The following RBM6 variants were observed in gnomAD, a reference collection of about 807,000 sequenced individuals.
RBM6 encodes the protein RNA binding motif protein 6, also known as RNA-binding protein 6.
RBM6 carries 23 observed loss-of-function variants against 140.4 expected under a neutral mutation model. The ratio of observed to expected loss-of-function variants is 0.16; its 90% CI spans 0.12 to 0.23. RBM6 has a LOEUF of 0.23. Ranked by LOEUF, RBM6 falls within the 10% of genes least tolerant of loss-of-function variation. The probability of loss-of-function intolerance (pLI) is 1.00; values close to 1 mark genes in which losing one functional copy is unlikely to be tolerated. For synonymous variants in RBM6, 439 were observed against 475.6 expected (o/e 0.92, Z 1.00); for missense variants, 1,139 against 1,386.7 (o/e 0.82, Z 2.84).
At chr3:49,973,877 C>T (rs1029895672) in intron 4 of RBM6, among the ~76,000 whole-genome samples, 3 of 145,082 alleles carry the variant, frequency 2.1e-5, no homozygotes, top group Non-Finnish European at 3.1e-5. Flanking sequence ...TGAGCCACCG[C>T]GCCCAGCATT....
intron 3 of RBM6, among the ~76,000 whole-genome samples, chr3:49,969,700 C>T (rs1197790230): frequency 1.3e-5 from 2 of 151,020 alleles, no homozygotes; most frequent in South Asian, 2.1e-4. Context: ...CAGGCTCAAG[C>T]GATCCTCCCA....
intron 5 of RBM6, among the ~76,000 whole-genome samples, chr3:49,996,441 A>G (rs895878916): frequency 2.0e-5 from 3 of 152,248 alleles, no homozygotes; most frequent in South Asian, 2.1e-4. Flanking sequence ...CTTTTTCCCT[A>G]TATACATTTT....
chr3:49,971,146 A>G (rs1010439005), intron 3 of RBM6, among the ~76,000 whole-genome samples: 4 of 149,408 alleles, frequency 2.7e-5, no homozygotes, highest in South Asian at 2.1e-4. Flanking sequence ...CATGTGTGTA[A>G]TCCCAGCTAC....
chr3:50,031,822 T>A (rs1045606782), intron 6 of RBM6, among the ~76,000 whole-genome samples: 7 of 151,818 alleles, frequency 4.6e-5, no homozygotes, highest in Non-Finnish European at 1.0e-4. Flanking sequence ...AAGAAAAAAA[T>A]AAAATAATGC....
At chr3:50,018,581 G>GTTTTTTTTTTTT (rs58115280) in intron 6 of RBM6, among the ~76,000 whole-genome samples, 2 of 63,556 alleles carry the variant, frequency 3.1e-5, no homozygotes, top group Non-Finnish European at 5.5e-5. Context: ...GTAGGAGTGT[G>GTTTTTTTTTTTT]TTTTTTTTTT....
At chr3:50,040,743 A>G (rs763730223) in intron 6 of RBM6, among the ~76,000 whole-genome samples, 3 of 150,944 alleles carry the variant, frequency 2.0e-5, no homozygotes, top group Non-Finnish European at 4.4e-5. Flanking sequence ...TGCAGCCTCG[A>G]CCTCACAGGT....
chr3:49,965,704 C>T (rs1333327888), intron 2 of RBM6, among the ~76,000 whole-genome samples: 1 of 150,966 alleles, frequency 6.6e-6, no homozygotes, highest in Non-Finnish European at 1.5e-5. Flanking sequence ...TAAACTTGCT[C>T]CTCTTATGAT....
At chr3:50,064,003 G>A (rs1050802616) in intron 15 of RBM6, among the ~76,000 whole-genome samples, 1 of 151,508 alleles carries the variant, frequency 6.6e-6, no homozygotes, top group East Asian at 2.0e-4. Context: ...GATCTATCTC[G>A]GCTCACTGCA....
chr3:50,060,819 A>T lies in RBM6; in HGVS notation c.2229-137A>T, dbSNP rs577563901. ...CTTTCAGGAGTGTCTGGACCACCCA[A>T]CCTGCTTGCTGTCTAGGTTGGTTCC... On this transcript the variant is annotated intron_variant, in intron 11 of 20. Transcript: ENST00000266022. The T allele has an allele frequency of 5.7e-5, 39 of 689,866 alleles. No homozygotes were observed. The African/African-American group carries it at 5.7e-4, about 10-fold the overall frequency. 42.7% of individuals were successfully genotyped at this position (689,866 alleles called of 1,614,324 possible).
At chr3:50,054,126 G>C (rs2089603244) in intron 7 of RBM6, 3 of 500,230 alleles carry the variant, frequency 6.0e-6, no homozygotes, top group Admixed American at 6.9e-5. Flanking sequence ...AGTCCCAGAT[G>C]CCTTGTTATA....
At chr3:50,046,229 C>T (rs561418303) in intron 6 of RBM6, among the ~76,000 whole-genome samples, 4 of 146,570 alleles carry the variant, frequency 2.7e-5, no homozygotes, top group East Asian at 2.0e-4. Flanking sequence ...TGTGGTGAGC[C>T]GAGATCGTGC....
At chr3:49,990,330 T>A (rs950265889) in intron 5 of RBM6, among the ~76,000 whole-genome samples, 2 of 152,176 alleles carry the variant, frequency 1.3e-5, no homozygotes, top group Non-Finnish European at 2.9e-5. Flanking sequence ...CCATAGGCAA[T>A]TGAGACACAA....
intron 1 of RBM6, among the ~76,000 whole-genome samples, chr3:49,954,427 G>A (rs13080638): frequency 2.8e-4 from 41 of 145,600 alleles, no homozygotes; most frequent in Admixed American, 1.1e-3. Context: ...GCGACAGAGC[G>A]AGACTCCATC....
At chr3:49,995,118 T>G (rs956931832) in intron 5 of RBM6, among the ~76,000 whole-genome samples, 1 of 152,200 alleles carries the variant, frequency 6.6e-6, no homozygotes, top group Non-Finnish European at 1.5e-5. Context: ...GTGTACCTTA[T>G]TCTCCTGTAA....
At chr3:50,002,437 T>G (rs7620769) in intron 6 of RBM6, among the ~76,000 whole-genome samples, 4,850 of 152,128 alleles carry the variant, frequency 0.032, 269 homozygotes, top group African/African-American at 0.11. Flanking sequence ...AATTTTTGTA[T>G]TTTTAGTAGA....
chr3:50,055,768 C>T (rs1390506527), intron 8 of RBM6, among the ~76,000 whole-genome samples: 1 of 152,150 alleles, frequency 6.6e-6, no homozygotes, highest in Non-Finnish European at 1.5e-5. Context: ...ACAGTAAAAA[C>T]ATAAATAGGA....
At chr3:50,005,927 T>C (rs907160926) in intron 6 of RBM6, among the ~76,000 whole-genome samples, 1 of 152,000 alleles carries the variant, frequency 6.6e-6, no homozygotes, top group Admixed American at 6.6e-5. Context: ...GAAAAAAAAA[T>C]TAAAACAATT....
intron 1 of RBM6, among the ~76,000 whole-genome samples, chr3:49,957,465 C>CT (rs1478915377): frequency 6.6e-6 from 1 of 152,008 alleles, no homozygotes; most frequent in East Asian, 1.9e-4. Flanking sequence ...TTCTCATTTT[C>CT]TTTTTCTTTC....
At chr3:49,956,146 C>T (rs1309328932) in intron 1 of RBM6, among the ~76,000 whole-genome samples, 2 of 151,704 alleles carry the variant, frequency 1.3e-5, no homozygotes, top group Admixed American at 6.6e-5. Flanking sequence ...TCCCAGTCTC[C>T]TGAGTAGCTG....
Sources: gnomAD v4.1 joint callset for allele counts (sites outside exome capture counted in the v4.1 genomes callset) on GRCh38, gnomAD v4.1.1 for gene constraint, MANE v1.5 for transcripts, NCBI Gene and HGNC (gene_info 2026-07-23, HGNC 2026-07-21) for gene names.